The following GRIK2 variants were observed in gnomAD, a reference collection of about 807,000 sequenced individuals.
GRIK2 encodes glutamate ionotropic receptor kainate type subunit 2.
Under a neutral mutation model 100.3 loss-of-function variants are expected in GRIK2, and 32 were observed. The ratio of observed to expected loss-of-function variants is 0.32; its 90% CI spans 0.24 to 0.43. The LOEUF is 0.43. GRIK2 is among the 20% of genes least tolerant of loss of function. The probability of loss-of-function intolerance (pLI) is 1.00; values close to 1 mark genes in which losing one functional copy is unlikely to be tolerated. For missense variants in GRIK2, 843 were observed against 1,114.9 expected, an observed-to-expected ratio of 0.76 and a Z score of 3.47; for synonymous variants, 417 against 389.4, an observed-to-expected ratio of 1.07 and a Z score of -0.83.
intron 2 of GRIK2, among the ~76,000 whole-genome samples, chr6:101,557,882 T>C (rs1776822216): frequency 6.6e-6 from 1 of 152,224 alleles, no homozygotes; most frequent in African/African-American, 2.4e-5. Context: ...TCTCTCAGCT[T>C]ATAAATTTGA....
At chr6:101,908,276 C>T (rs906209670) in intron 12 of GRIK2, among the ~76,000 whole-genome samples, 15 of 7,870 alleles carry the variant, frequency 1.9e-3, no homozygotes, top group Admixed American at 5.3e-3. Context: ...AAAATAATTA[C>T]GGTTTTGCCA....
chr6:101,930,101 G>T (rs1790162662), intron 14 of GRIK2, among the ~76,000 whole-genome samples: 1 of 152,020 alleles, frequency 6.6e-6, no homozygotes, highest in Non-Finnish European at 1.5e-5. Flanking sequence ...CAGCACTCTG[G>T]GAGGCCAAGG....
intron 12 of GRIK2, among the ~76,000 whole-genome samples, chr6:101,923,915 A>T (rs1789716899): frequency 8.2e-6 from 1 of 121,888 alleles, no homozygotes; most frequent in African/African-American, 3.2e-5. Flanking sequence ...ACAAAGGGAG[A>T]TTCTGTCTCC....
At chr6:101,399,914 G>T (rs554626436) in intron 2 of GRIK2, among the ~76,000 whole-genome samples, 14 of 152,292 alleles carry the variant, frequency 9.2e-5, no homozygotes, top group African/African-American at 3.4e-4. Flanking sequence ...GAGCCTTTTC[G>T]ATTGTTTTCA....
At chr6:101,664,532 T>C (rs1247337237) in intron 4 of GRIK2, among the ~76,000 whole-genome samples, 1 of 152,226 alleles carries the variant, frequency 6.6e-6, no homozygotes, top group South Asian at 2.1e-4. Context: ...TATACTGAGC[T>C]TAGACCCTAA....
intron 7 of GRIK2, among the ~76,000 whole-genome samples, chr6:101,752,143 A>AT (rs1330523557): frequency 6.6e-6 from 1 of 152,156 alleles, no homozygotes; most frequent in African/African-American, 2.4e-5. Context: ...TTATATGTTA[A>AT]TTTTTGTATC....
intron 7 of GRIK2, among the ~76,000 whole-genome samples, chr6:101,723,985 C>G (rs1047596512): frequency 2.0e-5 from 3 of 151,556 alleles, no homozygotes; most frequent in Non-Finnish European, 4.4e-5. Context: ...TTTATGTACT[C>G]TATGAAATTT....
In GRIK2 at chr6:102,055,337, A is replaced by G; in HGVS notation, c.2319A>G (p.Pro773=). ...TAACCTCTCCTTTCTTAGGTTCTCC[A>G]TATCGAGACAAAATTACCATAGCAA... ...GYGVGTPMGS[P]YRDKITIAIL... The change falls in exon 16 of 17, where the codon CCA becomes CCG. Residue 773 remains proline (P), a synonymous_variant. Coordinates refer to ENST00000369134, the MANE Select transcript of GRIK2 (RefSeq NM_021956.5). The G allele has an allele frequency of 6.2e-7, 1 of 1,609,660 alleles. No individual in the cohort carries two copies. The highest frequency in any genetic ancestry group is 8.5e-7 in the Non-Finnish European group (1 of 1,176,252).
At chr6:101,989,840 T>A (rs7768442) in intron 14 of GRIK2, among the ~76,000 whole-genome samples, 2,521 of 151,618 alleles carry the variant, frequency 0.017, 65 homozygotes, top group African/African-American at 0.058. Flanking sequence ...ATTTCCTTTG[T>A]GGAAACCATG....
At chr6:101,970,652 G>T (rs1043118342) in intron 14 of GRIK2, among the ~76,000 whole-genome samples, 4 of 151,790 alleles carry the variant, frequency 2.6e-5, no homozygotes, top group African/African-American at 9.7e-5. Context: ...ACACTGGTGG[G>T]CATGTCTTAT....
At chr6:101,490,106 C>T (rs991000660) in intron 2 of GRIK2, among the ~76,000 whole-genome samples, 2 of 146,258 alleles carry the variant, frequency 1.4e-5, no homozygotes, top group Non-Finnish European at 3.0e-5. Flanking sequence ...TTATTTACAA[C>T]AATTTTTTAC....
chr6:101,824,420 A>T (rs1438276469), intron 10 of GRIK2, among the ~76,000 whole-genome samples: 1 of 152,184 alleles, frequency 6.6e-6, no homozygotes, highest in African/African-American at 2.4e-5. Flanking sequence ...TTCACTTAGA[A>T]TAATGGTCTC....
chr6:101,763,163 G>A (rs1036806391), intron 7 of GRIK2, among the ~76,000 whole-genome samples: 3 of 152,286 alleles, frequency 2.0e-5, no homozygotes, highest in Middle Eastern at 3.4e-3. Context: ...ACAGATTGAG[G>A]GTCTTGGCAG....
chr6:101,471,250 G>A (rs1054044333), intron 2 of GRIK2, among the ~76,000 whole-genome samples: 2 of 151,884 alleles, frequency 1.3e-5, no homozygotes, highest in African/African-American at 4.8e-5. Flanking sequence ...TATCTATAAC[G>A]CTTTGGTAGA....
chr6:101,480,880 G>A lies in GRIK2; in HGVS notation c.115+81488G>A, dbSNP rs149572042. 3.9e-4 allele frequency among the ~76,000 whole-genome samples: 59 copies of A among 152,278 alleles called. 1 individual carries two copies. The highest frequency in any genetic ancestry group is 1.3e-3 in the African/African-American group (56 of 41,554). ...TTGGTAAAGAAACATGGGATCAATT[G>A]TTGAGAAATTGAAAGCAGTAAAAAA... On this transcript the variant is annotated intron_variant, in intron 2 of 16. Coordinates refer to ENST00000369134, the MANE Select transcript of GRIK2 (RefSeq NM_021956.5).
chr6:101,909,963 A>G (rs995728864), intron 12 of GRIK2, among the ~76,000 whole-genome samples: 4 of 148,660 alleles, frequency 2.7e-5, no homozygotes, highest in African/African-American at 9.8e-5. Context: ...CAGAAATGTT[A>G]TGAGTTTTGA....
chr6:101,836,280 A>G (rs1282584366), intron 10 of GRIK2, among the ~76,000 whole-genome samples: 1 of 152,116 alleles, frequency 6.6e-6, no homozygotes, highest in Non-Finnish European at 1.5e-5. Context: ...TAAAAACTTC[A>G]TTATGTTGAA....
chr6:101,603,850 A>G (rs1371777421), intron 2 of GRIK2, among the ~76,000 whole-genome samples: 1 of 151,810 alleles, frequency 6.6e-6, no homozygotes, highest in East Asian at 1.9e-4. Flanking sequence ...ACATCTGGCC[A>G]GCAATCTTGT....
At chr6:101,445,765 G>A (rs942019345) in intron 2 of GRIK2, among the ~76,000 whole-genome samples, 2 of 152,068 alleles carry the variant, frequency 1.3e-5, no homozygotes, top group Admixed American at 1.3e-4. Flanking sequence ...CCCATCTGTA[G>A]TTGACTCATT....
Sources: allele counts gnomAD v4.1 joint callset (sites outside exome capture counted in the v4.1 genomes callset), GRCh38; gene constraint gnomAD v4.1.1; transcripts MANE v1.5; gene names NCBI Gene and HGNC (gene_info 2026-07-23, HGNC 2026-07-21).